The following TANC2 variants were observed in gnomAD, a reference collection of about 807,000 sequenced individuals.
TANC2 encodes protein TANC2.
A neutral mutation model predicts 210.5 loss-of-function variants in TANC2; 26 were observed. That is an observed-to-expected ratio of 0.12 (90% CI 0.09 to 0.17). The LOEUF (loss-of-function observed/expected upper bound fraction) is 0.17. Ranked by LOEUF, TANC2 falls within the 10% of genes least tolerant of loss-of-function variation. The pLI, the probability that TANC2 is intolerant of heterozygous loss-of-function variation, is 1.00. For missense variants in TANC2, 2,129 were observed against 2,608.9 expected (o/e 0.82, Z 4.01); for synonymous variants, 931 against 967.1 (o/e 0.96, Z 0.69).
chr17:63,419,290 TGG>T (rs1487159996), intron 27 of TANC2, among the ~76,000 whole-genome samples: 2 of 152,258 alleles, frequency 1.3e-5, no homozygotes, highest in African/African-American at 2.4e-5. Flanking sequence ...TCCTTCCCTC[TGG>T]GTAGTTCCTT....
chr17:63,284,036 C>G (rs1326560424), intron 9 of TANC2, among the ~76,000 whole-genome samples: 1 of 151,846 alleles, frequency 6.6e-6, no homozygotes, highest in Non-Finnish European at 1.5e-5. Flanking sequence ...CTTGCTTTTT[C>G]TTGGTCTTAG....
chr17:63,156,160 C>G (rs541594530), intron 5 of TANC2, among the ~76,000 whole-genome samples: 107 of 152,170 alleles, frequency 7.0e-4, no homozygotes, highest in African/African-American at 2.4e-3. Flanking sequence ...GTACCAAGAG[C>G]CTTTTCCTCC....
At chr17:63,379,969 G>A (rs2047552611) in intron 15 of TANC2, 143 bp downstream of exon 15, 2 of 628,382 alleles carry the variant, frequency 3.2e-6, no homozygotes, top group Non-Finnish European at 5.6e-6. Context: ...CGTATGGCCT[G>A]TTCCTCCCTA....
intron 7 of TANC2, among the ~76,000 whole-genome samples, chr17:63,219,481 C>G (rs193031875): frequency 2.7e-4 from 41 of 152,226 alleles, no homozygotes; most frequent in African/African-American, 9.4e-4. Context: ...AGTGCAATCC[C>G]AAACAAAATC....
intron 2 of TANC2, among the ~76,000 whole-genome samples, chr17:63,023,620 A>T (rs1045545799): frequency 2.6e-5 from 4 of 152,146 alleles, no homozygotes; most frequent in Middle Eastern, 3.2e-3. Context: ...TGGCGTGGGA[A>T]TATTTACCTG....
At chr17:62,998,018 A>G (rs1033968897) in intron 1 of TANC2, among the ~76,000 whole-genome samples, 1 of 152,222 alleles carries the variant, frequency 6.6e-6, no homozygotes, top group Non-Finnish European at 1.5e-5. Context: ...CCAGGAATAT[A>G]GGGAATACTG....
chr17:63,160,033 C>T (rs146915805), intron 5 of TANC2, among the ~76,000 whole-genome samples: 1 of 152,334 alleles, frequency 6.6e-6, no homozygotes, highest in East Asian at 1.9e-4. Flanking sequence ...TGCTTTTCCT[C>T]TGTGCATGCA....
chr17:63,264,805 A>G (rs546699506), intron 8 of TANC2, among the ~76,000 whole-genome samples: 1 of 152,192 alleles, frequency 6.6e-6, no homozygotes, highest in East Asian at 1.9e-4. Context: ...AGTAATTTTA[A>G]AAAATTAGCT....
intron 4 of TANC2, among the ~76,000 whole-genome samples, chr17:63,147,530 A>G (rs2039504808): frequency 6.6e-6 from 1 of 152,174 alleles, no homozygotes; most frequent in Admixed American, 6.5e-5. Context: ...TCAGTGTGCC[A>G]TACGATCACC....
rs111346327 is a variant in TANC2, at chr17:63,314,942, A to T, written c.1441+273A>T. ...CGGCTGTGTGGTTGGACTGTCCTCT[A>T]GATAACGACCGCAGCAATTGCCCGT... On this transcript the variant is annotated intron_variant, in intron 10 of 27. Coordinates refer to ENST00000689528, the Ensembl canonical transcript of TANC2. Among the ~76,000 whole-genome samples, 3 of 152,280 alleles carry T rather than the reference A, an allele frequency of 2.0e-5. No homozygotes were observed. The East Asian group carries it at 5.8e-4, about 29-fold the overall frequency.
chr17:63,107,661 G>C (rs891775995), intron 4 of TANC2, among the ~76,000 whole-genome samples: 1 of 151,700 alleles, frequency 6.6e-6, no homozygotes, highest in African/African-American at 2.4e-5. Flanking sequence ...ATGCTTTCAT[G>C]ATCCATGGTG....
exon 28 of TANC2, chr17:63,423,592 C>A (rs374895366): frequency 6.6e-6 from 1 of 152,234 alleles, no homozygotes; most frequent in East Asian, 1.9e-4. Flanking sequence ...CTGGCTGCGA[C>A]CAGTCCCATG....
At chr17:63,077,771 G>T (rs936973774) in intron 3 of TANC2, among the ~76,000 whole-genome samples, 1 of 152,080 alleles carries the variant, frequency 6.6e-6, no homozygotes. Context: ...TAGAAAACGT[G>T]ATCAGTTTAC....
intron 5 of TANC2, chr17:63,153,214 C>G (rs1245665867): frequency 6.6e-6 from 1 of 151,998 alleles, no homozygotes; most frequent in South Asian, 2.1e-4. Flanking sequence ...AAAGATTTTG[C>G]ATTTTTTCAT....
At chr17:63,313,380 C>T (rs972216538) in intron 9 of TANC2, 17 of 152,276 alleles carry the variant, frequency 1.1e-4, no homozygotes, top group Middle Eastern at 6.8e-3. Context: ...CCGTTTAACC[C>T]AGATATGGAC....
intron 8 of TANC2, among the ~76,000 whole-genome samples, chr17:63,241,982 A>G (rs893536863): frequency 1.3e-5 from 2 of 152,218 alleles, no homozygotes; most frequent in African/African-American, 2.4e-5. Flanking sequence ...AGTGTGGTGC[A>G]TAGACAGTGC....
intron 1 of TANC2, among the ~76,000 whole-genome samples, chr17:62,969,583 T>C (rs887308615): frequency 6.6e-6 from 1 of 152,250 alleles, no homozygotes; most frequent in African/African-American, 2.4e-5. Context: ...TCTGGGATTA[T>C]GCGTAGAGGA....
intron 4 of TANC2, among the ~76,000 whole-genome samples, chr17:63,111,630 T>C (rs17745138): frequency 0.029 from 4,486 of 152,332 alleles, 82 homozygotes; most frequent in South Asian, 0.037. Flanking sequence ...TATATTTCTT[T>C]TTCAGGCACA....
At chr17:63,274,230 T>G (rs1188499302) in intron 9 of TANC2, among the ~76,000 whole-genome samples, 1 of 151,866 alleles carries the variant, frequency 6.6e-6, no homozygotes, top group Non-Finnish European at 1.5e-5. Context: ...TTTTTCACTC[T>G]TCAAGACAGC....
Sources: gnomAD v4.1 joint callset for allele counts (sites outside exome capture counted in the v4.1 genomes callset) on GRCh38, gnomAD v4.1.1 for gene constraint, MANE v1.5 for transcripts, NCBI Gene and HGNC (gene_info 2026-07-23, HGNC 2026-07-21) for gene names.